ZNF169: variants seen among roughly 807,000 people sequenced by gnomAD.
The protein encoded by ZNF169 is zinc finger protein 169.
A neutral mutation model predicts 12.0 loss-of-function variants in ZNF169; 11 were observed. The observed-to-expected ratio is 0.92, with a 90% CI of 0.58 to 1.52. The LOEUF (loss-of-function observed/expected upper bound fraction) is 1.52, where lower values mean the gene tolerates loss of function less well. Ranked by LOEUF, ZNF169 falls within the 40% of genes most tolerant of loss-of-function variation. The pLI, the probability that ZNF169 is intolerant of heterozygous loss-of-function variation, is 0.00. For synonymous variants in ZNF169, 302 were observed against 286.5 expected (o/e 1.05, Z -0.55); for missense variants, 722 against 744.0 (o/e 0.97, Z 0.34).
chr9:94,293,225 T>G (rs1564091772), intron 4 of ZNF169, 156 bp downstream of exon 4: 2 of 696,418 alleles, frequency 2.9e-6, no homozygotes, highest in South Asian at 3.2e-5. Context: ...CCTTCCACAC[T>G]GTGTGCCTCC....
At chr9:94,273,870 C>T (rs764395804) in intron 1 of ZNF169, among the ~76,000 whole-genome samples, 1 of 152,126 alleles carries the variant, frequency 6.6e-6, no homozygotes, top group Non-Finnish European at 1.5e-5. Context: ...TGAGCCACTG[C>T]GCCCGGCCAA....
chr9:94,293,002 C>G lies in ZNF169; in HGVS notation c.189C>G (p.Ile63Met). ...LGIAFSKPKL[I>M]EQLEQGDEPW... ...TTGCATTTTCCAAACCAAAACTCATCGAACAGCTGGAGCAAGGCGACGAAC... is the reference window on the plus strand; with the variant it reads ...TTGCATTTTCCAAACCAAAACTCATGGAACAGCTGGAGCAAGGCGACGAAC... The change falls in exon 4 of 5, where the codon ATC becomes ATG. Residue 63 changes from isoleucine (I) to methionine (M), a missense_variant. Coordinates refer to ENST00000395395, the MANE Select transcript of ZNF169 (RefSeq NM_194320.4). 6.8e-6 allele frequency: 11 copies of G among 1,613,158 alleles called. No homozygotes were observed. The highest frequency in any genetic ancestry group is 9.3e-6 in the Non-Finnish European group (11 of 1,179,558).
intron 1 of ZNF169, among the ~76,000 whole-genome samples, chr9:94,270,240 G>C (rs566068777): frequency 1.3e-5 from 2 of 152,246 alleles, no homozygotes; most frequent in South Asian, 4.1e-4. Flanking sequence ...AGGGTTGTAC[G>C]AGAATTCTGT....
In ZNF169 at chr9:94,300,419, G is replaced by A. The variant is rs1481371850; in HGVS notation, c.861G>A (p.Glu287=). 9 of 1,613,930 alleles carry A rather than the reference G, an allele frequency of 5.6e-6. No individual in the cohort carries two copies. Among genetic ancestry groups the A allele is most frequent in the Non-Finnish European group, 7.6e-6 (9 of 1,180,022 alleles). ...LSIHQRKHSG[E]KPYVCRECGR... ...TACACCAGAGGAAGCACTCGGGGGA[G>A]AAGCCGTATGTGTGCAGGGAATGTG... The change falls in exon 5 of 5, where the codon GAG becomes GAA. Residue 287 remains glutamate, a synonymous_variant. Transcript: ENST00000395395.
chr9:94,268,734 C>A (rs920434444), intron 1 of ZNF169, among the ~76,000 whole-genome samples: 1 of 146,226 alleles, frequency 6.8e-6, no homozygotes, highest in African/African-American at 2.6e-5. Flanking sequence ...TACAATGAGC[C>A]GAGATCACAC....
intron 1 of ZNF169, among the ~76,000 whole-genome samples, chr9:94,261,986 G>T (rs999250194): frequency 2.6e-5 from 4 of 152,176 alleles, no homozygotes; most frequent in African/African-American, 9.7e-5. Flanking sequence ...AGGCTGTGTT[G>T]TTTCCGTATT....
intron 1 of ZNF169, among the ~76,000 whole-genome samples, chr9:94,271,262 AT>A (rs1170804767): frequency 6.6e-6 from 1 of 150,380 alleles, no homozygotes; most frequent in Non-Finnish European, 1.5e-5. Context: ...TGCACAGCTA[AT>A]TTTTGTATTT....
intron 2 of ZNF169, among the ~76,000 whole-genome samples, chr9:94,281,596 GAC>G (rs1830632780): frequency 6.6e-6 from 1 of 152,172 alleles, no homozygotes; most frequent in African/African-American, 2.4e-5. Context: ...CATGGCCCAT[GAC>G]ACAGCTCTCT....
intron 1 of ZNF169, among the ~76,000 whole-genome samples, chr9:94,265,441 T>C (rs1194722293): frequency 6.6e-6 from 1 of 151,594 alleles, no homozygotes; most frequent in Non-Finnish European, 1.5e-5. Flanking sequence ...TTAACCAGGC[T>C]TTGTGGCAGG....
chr9:94,260,742 G>C (rs943086497), intron 1 of ZNF169, among the ~76,000 whole-genome samples: 6 of 152,036 alleles, frequency 3.9e-5, no homozygotes, highest in African/African-American at 1.4e-4. Context: ...AAGCCTCAGG[G>C]GGCTGTTGAG....
intron 1 of ZNF169, among the ~76,000 whole-genome samples, chr9:94,267,054 G>C (rs1436004224): frequency 2.0e-5 from 3 of 152,040 alleles, no homozygotes; most frequent in Non-Finnish European, 4.4e-5. Flanking sequence ...GACTACAGGC[G>C]AGCGCCACCA....
chr9:94,276,628 G>A (rs958690148), intron 1 of ZNF169, among the ~76,000 whole-genome samples: 9 of 151,824 alleles, frequency 5.9e-5, no homozygotes, highest in Admixed American at 5.3e-4. Context: ...TCCTGACCTC[G>A]TCATCCATCC....
chr9:94,267,752 C>T (rs1197435998), intron 1 of ZNF169, among the ~76,000 whole-genome samples: 3 of 152,046 alleles, frequency 2.0e-5, no homozygotes, highest in South Asian at 2.1e-4. Flanking sequence ...TAGCTCTTCA[C>T]GAGTCCTGAA....
intron 2 of ZNF169, among the ~76,000 whole-genome samples, chr9:94,286,824 A>G (rs1830727169): frequency 6.6e-6 from 1 of 152,174 alleles, no homozygotes; most frequent in Non-Finnish European, 1.5e-5. Flanking sequence ...TAAGTCCTGA[A>G]TTATTGGCTT....
At chr9:94,279,531 T>A (rs1452292773) in intron 2 of ZNF169, among the ~76,000 whole-genome samples, 1 of 151,352 alleles carries the variant, frequency 6.6e-6, no homozygotes. Flanking sequence ...TCCCAGATAC[T>A]GGGGAGGCTG....
intron 1 of ZNF169, among the ~76,000 whole-genome samples, chr9:94,269,561 C>T (rs944289291): frequency 1.3e-5 from 2 of 152,194 alleles, no homozygotes; most frequent in African/African-American, 2.4e-5. Context: ...GCGGCACTCT[C>T]CTTATCTCCT....
intron 2 of ZNF169, among the ~76,000 whole-genome samples, chr9:94,280,806 G>A (rs1830616869): frequency 6.6e-6 from 1 of 152,102 alleles, no homozygotes; most frequent in Non-Finnish European, 1.5e-5. Context: ...GGTGGGGTGG[G>A]TAGTTTGACG....
At chr9:94,283,246 TA>T (rs1400520739) in intron 2 of ZNF169, among the ~76,000 whole-genome samples, 2 of 151,996 alleles carry the variant, frequency 1.3e-5, no homozygotes, top group South Asian at 4.1e-4. Flanking sequence ...CTGTCTCTAC[TA>T]AAAACACAAA....
At chr9:94,259,436 G>C (rs976315475) in intron 1 of ZNF169, 91 bp downstream of exon 1, 2 of 152,668 alleles carry the variant, frequency 1.3e-5, no homozygotes, top group South Asian at 4.1e-4. Flanking sequence ...GGGAAAGCTG[G>C]CATGGGCAGT....
Sources: gnomAD v4.1 joint callset for allele counts (sites outside exome capture counted in the v4.1 genomes callset) on GRCh38, gnomAD v4.1.1 for gene constraint, MANE v1.5 for transcripts, NCBI Gene and HGNC (gene_info 2026-07-23, HGNC 2026-07-21) for gene names.